WDR3: variants seen among roughly 807,000 people sequenced by gnomAD.
The protein encoded by WDR3 is WD repeat-containing protein 3.
Under a neutral mutation model 123.7 loss-of-function variants are expected in WDR3, and 81 were observed. The ratio of observed to expected loss-of-function variants is 0.65; its 90% confidence interval spans 0.55 to 0.79. The LOEUF (loss-of-function observed/expected upper bound fraction) is 0.79, where lower values mean the gene tolerates loss of function less well. Among genes scored for constraint, WDR3 ranks in the 30% least tolerant of loss-of-function variants. The probability of loss-of-function intolerance (pLI) is 0.00; values close to 1 mark genes in which losing one functional copy is unlikely to be tolerated. For missense variants in WDR3, 1,027 were observed against 1,123.2 expected, an observed-to-expected ratio of 0.91 and a Z score of 1.22; for synonymous variants, 390 against 388.8, an observed-to-expected ratio of 1.00 and a Z score of -0.04.
In WDR3 at chr1:117,960,812, TTG is replaced by T. The variant is rs1482776610; in HGVS notation, c.*1373_*1374del. 1 of 152,246 alleles carries T rather than the reference TTG, an allele frequency of 6.6e-6. No individual in the cohort carries two copies. Among genetic ancestry groups the T allele is most frequent in the Non-Finnish European group, 1.5e-5 (1 of 68,042 alleles). The allele number at this position is 152,246 out of a possible 1,614,324, so 9.4% of individuals were successfully genotyped here. A position where few individuals can be genotyped will look rare whatever the true frequency, so the allele number is the denominator to read the frequency against. ...GAATTGCACCATGTATGATCTGTAT[TTG>T]TGTGTGTTAATGTTGATAATAGATT... On this transcript the variant is annotated 3_prime_UTR_variant, in exon 27 of 27. Transcript: ENST00000349139.
rs1652322322 is a variant in WDR3, at chr1:117,957,107, T to C, written c.2493T>C (p.Tyr831=). The C allele has an allele frequency of 1.2e-6, 2 of 1,608,632 alleles. No homozygotes were observed. The highest frequency in any genetic ancestry group is 8.5e-7 in the Non-Finnish European group (1 of 1,177,860). The change falls in exon 25 of 27, where the codon TAT becomes TAC. Residue 831 remains tyrosine, a synonymous_variant. Coordinates refer to ENST00000349139, the MANE Select transcript of WDR3 (RefSeq NM_006784.3). ...CTCTACTTGTGCTGCCTTTCTCTTA[T>C]GTCCCAGACATTCTTAAACTCTTTA... ...EESLLVLPFS[Y]VPDILKLFNE... is the part of the protein sequence containing the mutation.
chr1:117,951,613 AG>A (rs761624921), intron 16 of WDR3, among the ~76,000 whole-genome samples: 1 of 151,890 alleles, frequency 6.6e-6, no homozygotes, highest in South Asian at 2.1e-4. Context: ...ACATTCTAGT[AG>A]AGTCTTTCTC....
At chr1:117,947,798 CTG>C (rs1651460973) in intron 12 of WDR3, among the ~76,000 whole-genome samples, 2 of 152,220 alleles carry the variant, frequency 1.3e-5, no homozygotes, top group African/African-American at 2.4e-5. Context: ...GGCTTTGCCT[CTG>C]TGTGTGTTAC....
chr1:117,941,530 A>G (rs1651172396), intron 8 of WDR3, among the ~76,000 whole-genome samples: 1 of 152,214 alleles, frequency 6.6e-6, no homozygotes, highest in Non-Finnish European at 1.5e-5. Context: ...AAGCAATTTA[A>G]GAGCATTTAA....
chr1:117,963,996 C>G lies in WDR3; in HGVS notation c.*4549C>G. ...GACTAAATTATTTGCATATATAAAC[C>G]TAAATAACATTTTAGAATCATAGAA... On this transcript the variant is annotated 3_prime_UTR_variant, in exon 27 of 27. Coordinates refer to ENST00000349139, the MANE Select transcript of WDR3 (RefSeq NM_006784.3). The G allele has an allele frequency of 1.3e-6, 2 of 1,538,336 alleles. No homozygotes were observed. Among genetic ancestry groups the G allele is most frequent in the Admixed American group, 3.9e-5 (2 of 51,080 alleles).
chr1:117,946,157 G>A lies in WDR3; in HGVS notation c.1400G>A (p.Arg467Lys). ...TGCTCATTCTTTGTACCTGGTGATA[G>A]ACAGGTAGTCATAGGAACAAAGGTA... is the stretch of plus-strand genomic sequence containing the variant. ...ALCSFFVPGDRQVVIGTKTGK... is the reference protein window; with the variant it reads ...ALCSFFVPGDKQVVIGTKTGK... The change falls in exon 12 of 27, where the codon AGA becomes AAA. Residue 467 changes from arginine (R) to lysine (K), a missense_variant. Arg to Lys is a conservative substitution (Grantham distance 26, BLOSUM62 2). Coordinates refer to ENST00000349139, the MANE Select transcript of WDR3 (RefSeq NM_006784.3). The A allele has an allele frequency of 6.2e-7, 1 of 1,611,788 alleles. No individual in the cohort carries two copies. The highest frequency in any genetic ancestry group is 8.5e-7 in the Non-Finnish European group (1 of 1,178,492).
At position 117,933,478 on chromosome 1, in the gene WDR3, G is replaced by C; in HGVS notation, c.159G>C (p.Arg53Ser). 1 of 1,614,172 alleles carries C rather than the reference G, an allele frequency of 6.2e-7. No homozygotes were observed. The highest frequency in any genetic ancestry group is 1.1e-5 in the South Asian group (1 of 91,080). ...ACEHVFIWDLRKGEKILILQG... is the reference protein window; with the variant it reads ...ACEHVFIWDLSKGEKILILQG... Reference sequence around the variant, plus strand: ...AACACGTTTTCATCTGGGACTTAAGGAAAGGAGAGAAGGTGAGCCTAAAAT... The same window carrying C: ...AACACGTTTTCATCTGGGACTTAAGCAAAGGAGAGAAGGTGAGCCTAAAAT... Residue 53 changes from arginine to serine, a missense_variant, in exon 2 of 27, where the codon AGG (arginine) becomes AGC (serine). By Grantham distance (110) the Arg-to-Ser change is moderately radical. Coordinates refer to ENST00000349139, the MANE Select transcript of WDR3 (RefSeq NM_006784.3).
Position 117,958,996 on chromosome 1 carries a change from A to C in WDR3, c.2669A>C (p.Gln890Pro). ...GAAACAACTATTTCAAAAGTCAGCC[A>C]AGTCCGGGTAAGTGTCTTTGTATAG... ...LRETTISKVS[Q>P]VRDVIGFNMA... The change falls in exon 26 of 27, where the codon CAA becomes CCA. Residue 890 changes from glutamine (Q) to proline (P), a missense_variant. By Grantham distance (76) the Gln-to-Pro change is moderately conservative. Coordinates refer to ENST00000349139, the MANE Select transcript of WDR3 (RefSeq NM_006784.3). 6.2e-7 allele frequency: 1 copy of C among 1,613,868 alleles called. No homozygotes were observed. Among genetic ancestry groups the C allele is most frequent in the African/African-American group, 1.3e-5 (1 of 75,048 alleles).
rs748296958 is a variant in WDR3, at chr1:117,963,843, A to T, written c.*4396A>T. 1 of 1,613,828 alleles carries T rather than the reference A, an allele frequency of 6.2e-7. No homozygotes were observed. The highest frequency in any genetic ancestry group is 8.5e-7 in the Non-Finnish European group (1 of 1,179,780). On this transcript the variant is annotated 3_prime_UTR_variant, in exon 27 of 27. Coordinates refer to ENST00000349139, the MANE Select transcript of WDR3 (RefSeq NM_006784.3). ...CGAGACATGAAGACTCCAAGTGTGGAGGAATAAATTGTAGAAGTTCTCTGG... is the reference window on the plus strand; with the variant it reads ...CGAGACATGAAGACTCCAAGTGTGGTGGAATAAATTGTAGAAGTTCTCTGG...
At chr1:117,943,297 T>G in intron 10 of WDR3, 99 bp from the exon 11 acceptor site, 4 of 1,039,360 alleles carry the variant, frequency 3.8e-6, no homozygotes, top group Non-Finnish European at 5.6e-6. Flanking sequence ...TATTCAAACT[T>G]TATATAGATA....
intron 24 of WDR3, 125 bp from the exon 25 acceptor site, chr1:117,956,943 C>T (rs1652288029): frequency 1.1e-5 from 8 of 759,792 alleles, no homozygotes; most frequent in Non-Finnish European, 1.4e-5. Flanking sequence ...GAATATTTAA[C>T]TCTAGGCAAG....
chr1:117,957,108 G>T lies in WDR3; in HGVS notation c.2494G>T (p.Val832Phe). 6.2e-7 allele frequency: 1 copy of T among 1,609,334 alleles called. No individual in the cohort carries two copies. The highest frequency in any genetic ancestry group is 8.5e-7 in the Non-Finnish European group (1 of 1,178,168). Residue 832 changes from valine (V) to phenylalanine (F), a missense_variant, in exon 25 of 27, where the codon GTC (valine) becomes TTC (phenylalanine). Physicochemically the swap from Val to Phe is conservative, Grantham distance 50 (BLOSUM62 -1). Transcript: ENST00000349139. ...TCTACTTGTGCTGCCTTTCTCTTAT[G>T]TCCCAGACATTCTTAAACTCTTTAA... ...ESLLVLPFSY[V>F]PDILKLFNEF... is the part of the protein sequence containing the mutation.
intron 13 of WDR3, 87 bp downstream of exon 13, chr1:117,948,593 T>C (rs1311136512): frequency 1.2e-5 from 4 of 333,100 alleles, no homozygotes; most frequent in Non-Finnish European, 1.6e-5. Context: ...AAGCCTGAGG[T>C]TTTTTTTTTT....
rs1473790517 is a variant in WDR3 at position 117,963,960 on chromosome 1, G to C, written c.*4513G>C. ...ACAGGTAAAATACTTGTTAAGGGCT[G>C]TGCTTTTCATGACTAAATTATTTGC... On this transcript the variant is annotated 3_prime_UTR_variant, in exon 27 of 27. Transcript: ENST00000349139. 3 of 1,598,534 alleles carry C rather than the reference G, an allele frequency of 1.9e-6. No individual in the cohort carries two copies. Among genetic ancestry groups the C allele is most frequent in the East Asian group, 4.5e-5 (2 of 44,698 alleles).
intron 3 of WDR3, among the ~76,000 whole-genome samples, 198 bp downstream of exon 3, chr1:117,934,880 A>T (rs977971179): frequency 1.3e-5 from 2 of 152,208 alleles, no homozygotes; most frequent in African/African-American, 4.8e-5. Context: ...ATATTTTCTG[A>T]TAAAAGCCTC....
intron 12 of WDR3, 53 bp downstream of exon 12, chr1:117,946,232 A>C (rs1268364175): frequency 2.1e-6 from 3 of 1,422,636 alleles, no homozygotes; most frequent in Non-Finnish European, 2.9e-6. Flanking sequence ...CAAAATTCAT[A>C]AAGTTAAGAA....
intron 23 of WDR3, chr1:117,955,024 A>G: frequency 2.6e-6 from 1 of 390,898 alleles, no homozygotes; most frequent in East Asian, 4.0e-5. Flanking sequence ...TTATCTAGTA[A>G]TCTCTAATTA....
rs1162689481 is a variant in WDR3 at position 117,961,892 on chromosome 1, G to A, written c.*2445G>A. ...TTAGGCAGCTATTCCTGCCACCAGG[G>A]AGAGGAGTTAATTCTTGAAAAAAAA... On this transcript the variant is annotated 3_prime_UTR_variant, in exon 27 of 27. Coordinates refer to ENST00000349139, the MANE Select transcript of WDR3 (RefSeq NM_006784.3). The A allele has an allele frequency of 1.3e-5, 2 of 152,200 alleles. No homozygotes were observed. Among genetic ancestry groups the A allele is most frequent in the Non-Finnish European group, 2.9e-5 (2 of 67,984 alleles). The allele number at this position is 152,200 out of a possible 1,614,324, so 9.4% of individuals were successfully genotyped here.
intron 13 of WDR3, 86 bp downstream of exon 13, chr1:117,948,592 G>GTTTTTT: frequency 3.5e-6 from 2 of 570,044 alleles, no homozygotes; most frequent in Non-Finnish European, 5.4e-6. Context: ...AAAGCCTGAG[G>GTTTTTT]TTTTTTTTTT....
Sources: gnomAD v4.1 joint callset for allele counts (sites outside exome capture counted in the v4.1 genomes callset) on GRCh38, gnomAD v4.1.1 for gene constraint, MANE v1.5 for transcripts, NCBI Gene and HGNC (gene_info 2026-07-23, HGNC 2026-07-21) for gene names.